TEX26: variants seen among roughly 807,000 people sequenced by gnomAD.
The protein encoded by TEX26 is testis expressed 26.
A neutral mutation model predicts 35.3 loss-of-function variants in TEX26; 34 were observed. The observed-to-expected ratio is 0.96, with a 90% CI of 0.73 to 1.28. The LOEUF is 1.28. Among genes scored for constraint, TEX26 ranks in the 50% most tolerant of loss-of-function variants. The pLI is 0.00. For missense variants in TEX26, 371 were observed against 330.1 expected, an observed-to-expected ratio of 1.12 and a Z score of -0.96; for synonymous variants, 136 against 111.8, an observed-to-expected ratio of 1.22 and a Z score of -1.36.
intron 2 of TEX26, among the ~76,000 whole-genome samples, chr13:30,946,234 G>A (rs1360948898): frequency 6.6e-6 from 1 of 151,716 alleles, no homozygotes; most frequent in Non-Finnish European, 1.5e-5. Flanking sequence ...ACTTGTTCTA[G>A]TCTGTTAAAA....
At chr13:30,973,820 A>G (rs552035195) in intron 6 of TEX26, among the ~76,000 whole-genome samples, 2 of 152,182 alleles carry the variant, frequency 1.3e-5, no homozygotes, top group South Asian at 4.2e-4. Context: ...GGGAGTGAAT[A>G]AAGTTTTACA....
At chr13:30,953,462 C>T (rs185222236) in intron 3 of TEX26, among the ~76,000 whole-genome samples, 50 of 152,312 alleles carry the variant, frequency 3.3e-4, no homozygotes, top group African/African-American at 1.1e-3. Flanking sequence ...TATTCTCTTC[C>T]GCGGATAAAC....
intron 6 of TEX26, among the ~76,000 whole-genome samples, chr13:30,974,114 C>A (rs1458013999): frequency 3.7e-5 from 2 of 53,650 alleles, no homozygotes; most frequent in South Asian, 1.3e-3. Flanking sequence ...GAGTGAGCCT[C>A]CATCTAAAAA....
rs1001749229 is a variant in TEX26, at chr13:30,957,143, G to A, written c.469+114G>A. On this transcript the variant is annotated intron_variant, in intron 4 of 6. Coordinates refer to ENST00000380473, the MANE Select transcript of TEX26 (RefSeq NM_152325.3). ...TCAAGGAACTTGAAGTCTAGGCATG[G>A]AGACAGGCGACTTTGCAAATAAAAA... 12 of 1,064,004 alleles carry A rather than the reference G, an allele frequency of 1.1e-5. No individual in the cohort carries two copies. The African/African-American group carries it at 1.6e-4, about 14-fold the overall frequency. The allele number at this position is 1,064,004 out of a possible 1,614,324, so 65.9% of individuals were successfully genotyped here. A position where few individuals can be genotyped will look rare whatever the true frequency, so the allele number is the denominator to read the frequency against.
At chr13:30,973,815 TG>T (rs1390765701) in intron 6 of TEX26, among the ~76,000 whole-genome samples, 3 of 151,680 alleles carry the variant, frequency 2.0e-5, no homozygotes. Flanking sequence ...CTGCTGGGAG[TG>T]AATAAAGTTT....
chr13:30,965,238 A>T (rs906710948), intron 4 of TEX26, among the ~76,000 whole-genome samples: 4 of 152,208 alleles, frequency 2.6e-5, no homozygotes, highest in African/African-American at 9.6e-5. Flanking sequence ...AATCATTTTT[A>T]AAAAATCAAT....
intron 2 of TEX26, among the ~76,000 whole-genome samples, chr13:30,947,432 G>A (rs1396545178): frequency 2.6e-5 from 4 of 152,230 alleles, no homozygotes; most frequent in Admixed American, 2.6e-4. Flanking sequence ...GTGTCACTCA[G>A]TACTCTGAAC....
intron 1 of TEX26, chr13:30,936,916 A>G: frequency 1.0e-6 from 1 of 985,282 alleles, no homozygotes; most frequent in Non-Finnish European, 1.2e-6. Context: ...CATTTCTGTT[A>G]ATGAAGAAAA....
intron 1 of TEX26, among the ~76,000 whole-genome samples, chr13:30,938,842 C>A (rs1953370343): frequency 6.6e-6 from 1 of 152,198 alleles, no homozygotes; most frequent in Admixed American, 6.5e-5. Flanking sequence ...ACTGGCTCCT[C>A]CTTCTCTCTC....
rs551153280 is a variant in TEX26, at chr13:30,934,700, G to A, written c.61+1924G>A. ...GGGGCTGCAACACTCCATGGAGCCCGTGGGAGCTGCCCCTTCTGAGTTGGG... is the reference window on the plus strand; with the variant it reads ...GGGGCTGCAACACTCCATGGAGCCCATGGGAGCTGCCCCTTCTGAGTTGGG... On this transcript the variant is annotated intron_variant, in intron 1 of 6. Transcript: ENST00000380473. Among the ~76,000 whole-genome samples, 43 of 152,284 alleles carry A rather than the reference G, an allele frequency of 2.8e-4. 2 individuals carry two copies. In the South Asian group the frequency reaches 6.4e-3, roughly 23 times the overall value.
intron 2 of TEX26, among the ~76,000 whole-genome samples, chr13:30,948,439 G>C (rs1049366754): frequency 6.6e-6 from 1 of 152,150 alleles, no homozygotes; most frequent in Admixed American, 6.5e-5. Flanking sequence ...ATTCTAACTG[G>C]TGTGAGATGG....
At chr13:30,964,551 A>G (rs1954461748) in intron 4 of TEX26, among the ~76,000 whole-genome samples, 1 of 152,258 alleles carries the variant, frequency 6.6e-6, no homozygotes, top group African/African-American at 2.4e-5. Context: ...AAAAGCATCA[A>G]GTATTTCAGT....
chr13:30,956,607 G>A (rs1954140933), intron 3 of TEX26, among the ~76,000 whole-genome samples: 1 of 152,150 alleles, frequency 6.6e-6, no homozygotes, highest in Non-Finnish European at 1.5e-5. Flanking sequence ...TTATCTGTAG[G>A]AGACTTCTGG....
At chr13:30,933,020 A>G in intron 1 of TEX26, 1 of 434,874 alleles carries the variant, frequency 2.3e-6, no homozygotes, top group East Asian at 3.3e-5. Context: ...GTTTTTAAAC[A>G]CTCGAGGAAG....
intron 2 of TEX26, among the ~76,000 whole-genome samples, chr13:30,952,001 A>ATTTTTTTTTTTTTTTTTTTTTTTTT (rs751918742): frequency 3.9e-5 from 2 of 50,688 alleles, no homozygotes; most frequent in African/African-American, 2.0e-4. Flanking sequence ...TTATTCTGGG[A>ATTTTTTTTTTTTTTTTTTTTTTTTT]TTTTTTTTTT....
intron 4 of TEX26, among the ~76,000 whole-genome samples, chr13:30,964,139 G>A (rs1425586367): frequency 6.6e-6 from 1 of 152,102 alleles, no homozygotes. Flanking sequence ...CTCCAACACA[G>A]CCCCTCATAC....
intron 4 of TEX26, among the ~76,000 whole-genome samples, chr13:30,962,288 C>A (rs867063772): frequency 6.6e-6 from 1 of 152,168 alleles, no homozygotes; most frequent in African/African-American, 2.4e-5. Flanking sequence ...GAGTCCTGTA[C>A]AATCTGGTCC....
intron 2 of TEX26, among the ~76,000 whole-genome samples, chr13:30,949,306 T>C (rs2138230227): frequency 6.6e-6 from 1 of 152,300 alleles, no homozygotes; most frequent in African/African-American, 2.4e-5. Context: ...AAAAGGCTTT[T>C]ATCATATTTT....
chr13:30,956,884 G>C lies in TEX26; in HGVS notation c.324G>C (p.Leu108=), dbSNP rs151222167. 2 of 1,613,922 alleles carry C rather than the reference G, an allele frequency of 1.2e-6. No individual in the cohort carries two copies. Among genetic ancestry groups the C allele is most frequent in the African/African-American group, 1.3e-5 (1 of 74,904 alleles). ...HKSHLNEDIF[L]WTLPHCQQTG... is the part of the protein sequence containing the mutation. ...GTTTGCTTTGATAGGACATTTTCCTGTGGACACTACCTCACTGTCAACAAA... is the reference window on the plus strand; with the variant it reads ...GTTTGCTTTGATAGGACATTTTCCTCTGGACACTACCTCACTGTCAACAAA... Residue 108 remains leucine, a synonymous_variant, in exon 4 of 7, where the codon CTG becomes CTC. Transcript: ENST00000380473.
Sources: gnomAD v4.1 joint callset for allele counts (sites outside exome capture counted in the v4.1 genomes callset) on GRCh38, gnomAD v4.1.1 for gene constraint, MANE v1.5 for transcripts, NCBI Gene and HGNC (gene_info 2026-07-23, HGNC 2026-07-21) for gene names.